The following PXDNL variants were observed in gnomAD, a reference collection of about 807,000 sequenced individuals.
PXDNL encodes probable oxidoreductase PXDNL.
In PXDNL, 145 loss-of-function variants were observed where a neutral mutation model predicts 150.8. The ratio of observed to expected loss-of-function variants is 0.96; its 90% CI spans 0.84 to 1.10. The LOEUF is 1.10. Among genes scored for constraint, PXDNL ranks in the 50% least tolerant of loss-of-function variants. PXDNL has a pLI of 0.00. For synonymous variants in PXDNL, 757 were observed against 725.7 expected (o/e 1.04, Z -0.69); for missense variants, 2,087 against 1,873.9 (o/e 1.11, Z -2.10).
intron 19 of PXDNL, among the ~76,000 whole-genome samples, chr8:51,348,918 T>G (rs1387114285): frequency 1.3e-5 from 2 of 152,210 alleles, no homozygotes; most frequent in Non-Finnish European, 2.9e-5. Context: ...GAAAGTTAAC[T>G]CCTAGATTTC....
At chr8:51,612,927 C>A (rs1389202308) in intron 2 of PXDNL, among the ~76,000 whole-genome samples, 1 of 152,232 alleles carries the variant, frequency 6.6e-6, no homozygotes, top group East Asian at 1.9e-4. Context: ...TTGTAAGAGT[C>A]CCTTAACTAA....
At chr8:51,408,029 A>G (rs749915218) in intron 17 of PXDNL, 38 bp downstream of exon 17, 5 of 1,537,464 alleles carry the variant, frequency 3.3e-6, no homozygotes, top group African/African-American at 2.8e-5. Flanking sequence ...TACCTCTCCT[A>G]AGAAATGTTT....
At chr8:51,509,759 CACACACACACA>C in intron 4 of PXDNL, among the ~76,000 whole-genome samples, 1 of 149,604 alleles carries the variant, frequency 6.7e-6, no homozygotes, top group African/African-American at 2.5e-5. Flanking sequence ...CACACACACA[CACACACACACA>C]CACAAATATA....
intron 12 of PXDNL, among the ~76,000 whole-genome samples, chr8:51,439,852 A>G (rs1432060313): frequency 6.6e-6 from 1 of 151,676 alleles, no homozygotes; most frequent in African/African-American, 2.4e-5. Flanking sequence ...AAGAATTAAA[A>G]CTAGAACTAC....
chr8:51,540,112 G>A (rs543771124), intron 4 of PXDNL, among the ~76,000 whole-genome samples: 39 of 151,972 alleles, frequency 2.6e-4, no homozygotes, highest in Admixed American at 5.9e-4. Context: ...TGGCCAGGCT[G>A]GTCTCGAACT....
At chr8:51,351,580 G>A (rs1451587043) in intron 19 of PXDNL, among the ~76,000 whole-genome samples, 3 of 152,160 alleles carry the variant, frequency 2.0e-5, no homozygotes, top group Non-Finnish European at 4.4e-5. Flanking sequence ...TTGCTGTCTC[G>A]TTTGTGGTGC....
intron 17 of PXDNL, among the ~76,000 whole-genome samples, chr8:51,403,881 T>A (rs983938394): frequency 6.6e-6 from 1 of 152,070 alleles, no homozygotes; most frequent in Non-Finnish European, 1.5e-5. Context: ...TCACGGTGAG[T>A]GTTACAGGTC....
intron 1 of PXDNL, among the ~76,000 whole-genome samples, chr8:51,778,088 G>A (rs995365990): frequency 6.6e-6 from 1 of 152,092 alleles, no homozygotes; most frequent in African/African-American, 2.4e-5. Flanking sequence ...TGTGATCCCA[G>A]CACTTTGGAA....
chr8:51,755,209 CTATCT>C (rs768522706), intron 1 of PXDNL, among the ~76,000 whole-genome samples: 27 of 152,132 alleles, frequency 1.8e-4, no homozygotes, highest in Non-Finnish European at 2.8e-4. Context: ...TTCTATTCTC[CTATCT>C]TGAGAAGCAT....
chr8:51,395,953 C>A (rs1808068861), intron 17 of PXDNL, among the ~76,000 whole-genome samples: 1 of 152,218 alleles, frequency 6.6e-6, no homozygotes, highest in South Asian at 2.1e-4. Flanking sequence ...CTCCCCACTG[C>A]TCCTTTCTTG....
In PXDNL at chr8:51,572,438, C is replaced by T. The variant is rs572271919; in HGVS notation, c.309-15527G>A. 4.6e-5 allele frequency among the ~76,000 whole-genome samples: 7 copies of T among 151,824 alleles called. No individual in the cohort carries two copies. In the South Asian group the frequency reaches 1.2e-3, roughly 27 times the overall value. On this transcript the variant is annotated intron_variant, in intron 3 of 22. Transcript: ENST00000356297. ...ACATGGATGAATCTTAAGAACATTA[C>T]CCTGAATGAAATAAACCAAAACGAA...
intron 1 of PXDNL, among the ~76,000 whole-genome samples, chr8:51,792,765 C>A (rs1219230710): frequency 6.6e-6 from 1 of 152,224 alleles, no homozygotes; most frequent in African/African-American, 2.4e-5. Flanking sequence ...GCCCTCCTCA[C>A]TGGGCGGGGC....
chr8:51,677,776 T>C (rs951912762), intron 1 of PXDNL, among the ~76,000 whole-genome samples: 11 of 152,214 alleles, frequency 7.2e-5, no homozygotes, highest in African/African-American at 2.7e-4. Flanking sequence ...TTTGGATAAT[T>C]TATAACTTTT....
intron 4 of PXDNL, among the ~76,000 whole-genome samples, chr8:51,521,042 G>A (rs1811652569): frequency 6.6e-6 from 1 of 152,016 alleles, no homozygotes; most frequent in African/African-American, 2.4e-5. Context: ...ACACCAGCCC[G>A]GGCAACAGAG....
chr8:51,786,139 C>G (rs1373329292), intron 1 of PXDNL, among the ~76,000 whole-genome samples: 3 of 152,144 alleles, frequency 2.0e-5, no homozygotes, highest in Non-Finnish European at 4.4e-5. Flanking sequence ...CTCACATTAC[C>G]TGGTTTTAAC....
chr8:51,444,016 T>C (rs548564378), intron 12 of PXDNL, among the ~76,000 whole-genome samples: 58 of 152,218 alleles, frequency 3.8e-4, no homozygotes, highest in Non-Finnish European at 8.2e-4. Flanking sequence ...TCATTTAACT[T>C]TAGGTAGCTT....
intron 3 of PXDNL, among the ~76,000 whole-genome samples, chr8:51,586,099 G>A (rs1813316651): frequency 6.6e-6 from 1 of 152,146 alleles, no homozygotes. Context: ...AAAATATGGA[G>A]CCTGTTTCTC....
intron 3 of PXDNL, 35 bp from the exon 4 acceptor site, chr8:51,556,946 T>G: frequency 8.2e-7 from 1 of 1,218,048 alleles, no homozygotes; most frequent in Non-Finnish European, 1.2e-6. Context: ...AAATTATAAA[T>G]TAGTAGAGAT....
At chr8:51,428,689 A>G (rs1359532866) in intron 12 of PXDNL, among the ~76,000 whole-genome samples, 2 of 152,248 alleles carry the variant, frequency 1.3e-5, no homozygotes, top group Non-Finnish European at 2.9e-5. Context: ...TAAGTCTCAT[A>G]CTTTATAAAA....
Sources: gnomAD v4.1 joint callset for allele counts (sites outside exome capture counted in the v4.1 genomes callset) on GRCh38, gnomAD v4.1.1 for gene constraint, MANE v1.5 for transcripts, NCBI Gene and HGNC (gene_info 2026-07-23, HGNC 2026-07-21) for gene names.